CHAT: variants seen among roughly 807,000 people sequenced by gnomAD.
CHAT encodes the protein acetyl CoA:choline O-acetyltransferase.
Under a neutral mutation model 76.9 loss-of-function variants are expected in CHAT, and 61 were observed. The ratio of observed to expected loss-of-function variants is 0.79; its 90% CI spans 0.65 to 0.98. CHAT has a LOEUF of 0.98. Among genes scored for constraint, CHAT ranks in the 50% least tolerant of loss-of-function variants. The pLI is 0.00. For missense variants in CHAT, 946 were observed against 986.9 expected, an observed-to-expected ratio of 0.96 and a Z score of 0.56; for synonymous variants, 407 against 397.4, an observed-to-expected ratio of 1.02 and a Z score of -0.29.
At chr10:49,645,371 G>A (rs1334044908) in intron 7 of CHAT, among the ~76,000 whole-genome samples, 1 of 152,210 alleles carries the variant, frequency 6.6e-6, no homozygotes, top group Admixed American at 6.5e-5. Flanking sequence ...ATTGGGTCTT[G>A]AAGTGACTCC....
At chr10:49,624,019 C>T (rs573897837) in intron 5 of CHAT, among the ~76,000 whole-genome samples, 45 of 152,294 alleles carry the variant, frequency 3.0e-4, no homozygotes, top group Non-Finnish European at 5.0e-4. Flanking sequence ...CATGCCCCTG[C>T]GTGCTAAAGC....
chr10:49,610,656 A>C, upstream of CHAT: 3 of 1,342,306 alleles, frequency 2.2e-6, no homozygotes, highest in South Asian at 3.2e-5. Flanking sequence ...GCCTCCCCGA[A>C]GTCCCGTGCC....
At chr10:49,635,841 T>C (rs1231582601) in intron 7 of CHAT, among the ~76,000 whole-genome samples, 1 of 152,156 alleles carries the variant, frequency 6.6e-6, no homozygotes, top group African/African-American at 2.4e-5. Flanking sequence ...GGTGAAAGAC[T>C]GAATGCTTTC....
chr10:49,658,776 G>A (rs2132842144), intron 13 of CHAT, among the ~76,000 whole-genome samples: 1 of 152,252 alleles, frequency 6.6e-6, no homozygotes, highest in East Asian at 1.9e-4. Flanking sequence ...CAGTTTAAAA[G>A]TGATCATTGA....
chr10:49,612,103 A>G (rs1838314982), upstream of CHAT: 6 of 1,612,934 alleles, frequency 3.7e-6, no homozygotes, highest in East Asian at 2.2e-5. Context: ...CAGCCTTGGC[A>G]TGGGACTGGC....
chr10:49,663,019 G>T (rs1269260958), intron 14 of CHAT, among the ~76,000 whole-genome samples: 1 of 152,118 alleles, frequency 6.6e-6, no homozygotes, highest in African/African-American at 2.4e-5. Flanking sequence ...GATTGCTCCA[G>T]CCCAGGAGTT....
intron 7 of CHAT, among the ~76,000 whole-genome samples, chr10:49,637,162 A>C (rs1461791246): frequency 6.8e-6 from 1 of 146,578 alleles, no homozygotes; most frequent in East Asian, 2.0e-4. Context: ...TATTTCCTTC[A>C]TCTTGCTTGC....
intron 7 of CHAT, among the ~76,000 whole-genome samples, chr10:49,645,565 A>G (rs1458800522): frequency 1.3e-5 from 2 of 152,082 alleles, no homozygotes; most frequent in Non-Finnish European, 2.9e-5. Flanking sequence ...CTGGCCCCCA[A>G]CAGGTCCTGC....
chr10:49,614,277 G>A lies in CHAT; in HGVS notation c.88G>A (p.Glu30Lys). 2 of 1,548,596 alleles carry A rather than the reference G, an allele frequency of 1.3e-6. No individual in the cohort carries two copies. Among genetic ancestry groups the A allele is most frequent in the East Asian group, 2.4e-5 (1 of 40,878 alleles). The change falls in exon 1 of 15, where the codon GAA (glutamate) becomes AAA (lysine). Residue 30 changes from glutamate to lysine, a missense_variant. Glu to Lys is a moderately conservative substitution (Grantham distance 56). Around this residue, in one of 3 missense-constraint regions of CHAT, gnomAD observed 548 missense variants for 516.2 expected, o/e 1.06. Transcript: ENST00000337653. ...GGGAGGAGGTACAAGAGGAAGGAGA[G>A]AAGTGCGGCCAGCTTGCTTTCTCCA... Reference protein sequence around the residue: ...EEGGGTRGRREVRPACFLQSG... With the variant: ...EEGGGTRGRRKVRPACFLQSG...
rs142002372 is a variant in CHAT at position 49,642,228 on chromosome 10, A to G, written c.1112-4277A>G. 6.7e-3 allele frequency among the ~76,000 whole-genome samples: 1,017 copies of G among 152,302 alleles called. 11 individuals are homozygous for G. Among genetic ancestry groups the G allele is most frequent in the African/African-American group, 0.023 (970 of 41,562 alleles). On this transcript the variant is annotated intron_variant, in intron 7 of 14. Transcript: ENST00000337653. ...CCGTGCGCCTTCAGCCCGTTGTCCC[A>G]TGTTTCCATTACATTTGGGCCACAG...
chr10:49,646,478 C>A (rs769281571), intron 7 of CHAT, 27 bp from the exon 8 acceptor site: 3 of 1,613,724 alleles, frequency 1.9e-6, no homozygotes, highest in Non-Finnish European at 2.5e-6. Context: ...GGGACAGGTG[C>A]TAGGGCTGTG....
chr10:49,614,382 A>G lies in CHAT; in HGVS notation c.193A>G (p.Thr65Ala). The G allele has an allele frequency of 1.3e-6, 2 of 1,510,696 alleles. No individual in the cohort carries two copies. Among genetic ancestry groups the G allele is most frequent in the Non-Finnish European group, 1.8e-6 (2 of 1,113,622 alleles). The allele number at this position is 1,510,696 out of a possible 1,614,324, so 93.6% of individuals were successfully genotyped here. The change falls in exon 1 of 15, where the codon ACA (threonine) becomes GCA (alanine). Residue 65 changes from threonine to alanine, a missense_variant. By Grantham distance (58) the Thr-to-Ala change is moderately conservative. Transcript: ENST00000337653. ...CTGCAGCCCCCACCCCCGCGCTGCG[A>G]CACGCCCCCCACCCCTTCCGGCTCA... is the stretch of plus-strand genomic sequence containing the variant. ...PGCSPHPRAATRPPPLPAHTP... is the reference protein window; with the variant it reads ...PGCSPHPRAAARPPPLPAHTP...
intron 2 of CHAT, among the ~76,000 whole-genome samples, chr10:49,617,644 G>C (rs893382931): frequency 1.3e-5 from 2 of 152,178 alleles, no homozygotes; most frequent in African/African-American, 2.4e-5. Flanking sequence ...GCAGTGTCTG[G>C]CAGAGGATCT....
chr10:49,648,304 G>A (rs1394109704), intron 8 of CHAT, among the ~76,000 whole-genome samples: 2 of 152,334 alleles, frequency 1.3e-5, no homozygotes, highest in East Asian at 3.9e-4. Flanking sequence ...TTACGGGAAA[G>A]AGGTCGTGAG....
chr10:49,622,340 G>C (rs936769712), intron 5 of CHAT, among the ~76,000 whole-genome samples, 190 bp downstream of exon 5: 1 of 152,208 alleles, frequency 6.6e-6, no homozygotes, highest in Non-Finnish European at 1.5e-5. Flanking sequence ...TCTGTTAACT[G>C]TTCCTTTTCC....
intron 8 of CHAT, among the ~76,000 whole-genome samples, chr10:49,647,745 TTCCTTCCTTCCTTCC>T (rs1839720846): frequency 4.3e-4 from 1 of 2,326 alleles, no homozygotes; most frequent in Non-Finnish European, 0.042. Context: ...ACCGCTTTCC[TTCCTTCCTTCCTTCC>T]TTCCTTCCTT....
chr10:49,646,604 C>T lies in CHAT; in HGVS notation c.1211C>T (p.Ala404Val), dbSNP rs192592698. 2 of 1,614,252 alleles carry T rather than the reference C, an allele frequency of 1.2e-6. No homozygotes were observed. Among genetic ancestry groups the T allele is most frequent in the African/African-American group, 2.7e-5 (2 of 75,070 alleles). The change falls in exon 8 of 15, where the codon GCA (alanine) becomes GTA (valine). Residue 404 changes from alanine (A) to valine (V), a missense_variant. Transcript: ENST00000337653. ...GTGGAGCTCAGCGACACCCACAGGGCACTCCAGCTCCTTCACGGCGGAGGC... is the reference window on the plus strand; with the variant it reads ...GTGGAGCTCAGCGACACCCACAGGGTACTCCAGCTCCTTCACGGCGGAGGC... ...GGVELSDTHR[A>V]LQLLHGGGYS...
Position 49,646,495 on chromosome 10 carries a change from TC to T in CHAT, c.1112-6del. The T allele has an allele frequency of 1.2e-6, 2 of 1,614,046 alleles. No homozygotes were observed. Among genetic ancestry groups the T allele is most frequent in the South Asian group, 2.2e-5 (2 of 91,078 alleles). The stretch of plus-strand genomic sequence containing the variant: ...GACAGGTGCTAGGGCTGTGCCTGCC[TC>T]CCCTGCAGACTCCACCAACCGGGAC... On this transcript the variant is annotated splice_polypyrimidine_tract_variant and intron_variant, in intron 7 of 14. Coordinates refer to ENST00000337653, the MANE Select transcript of CHAT (RefSeq NM_020549.5).
intron 10 of CHAT, 114 bp downstream of exon 10, chr10:49,649,750 CT>C: frequency 1.8e-6 from 2 of 1,129,540 alleles, no homozygotes; most frequent in Non-Finnish European, 2.7e-6. Flanking sequence ...TCTGCCTCTC[CT>C]TGGGCTCCAC....
Sources: allele counts gnomAD v4.1 joint callset (sites outside exome capture counted in the v4.1 genomes callset), GRCh38; gene constraint gnomAD v4.1.1; regional missense constraint gnomAD v4.1.1; transcripts MANE v1.5; gene names NCBI Gene and HGNC (gene_info 2026-07-23, HGNC 2026-07-21).